SLC35F3: variants seen among roughly 807,000 people sequenced by gnomAD.
The protein encoded by SLC35F3 is putative thiamine transporter SLC35F3.
In SLC35F3, 25 loss-of-function variants were observed where a neutral mutation model predicts 49.9. The ratio of observed to expected loss-of-function variants is 0.50; its 90% CI spans 0.37 to 0.70. The LOEUF is 0.70. Among genes scored for constraint, SLC35F3 ranks in the 30% least tolerant of loss-of-function variants. SLC35F3 has a pLI of 0.00. For missense variants in SLC35F3, 525 were observed against 639.8 expected, an observed-to-expected ratio of 0.82 and a Z score of 1.94; for synonymous variants, 275 against 265.4, an observed-to-expected ratio of 1.04 and a Z score of -0.35.
chr1:234,292,145 A>G (rs1307036500), intron 3 of SLC35F3, among the ~76,000 whole-genome samples: 1 of 152,230 alleles, frequency 6.6e-6, no homozygotes, highest in African/African-American at 2.4e-5. Flanking sequence ...TGCAGTGCCT[A>G]TCTGCTGCCT....
chr1:234,054,807 G>A (rs1664430965), intron 2 of SLC35F3, among the ~76,000 whole-genome samples: 1 of 152,136 alleles, frequency 6.6e-6, no homozygotes, highest in Non-Finnish European at 1.5e-5. Context: ...TGATGGTGAC[G>A]TACAGATGGG....
At chr1:234,038,200 G>A (rs549450263) in intron 2 of SLC35F3, among the ~76,000 whole-genome samples, 1 of 148,036 alleles carries the variant, frequency 6.8e-6, no homozygotes, top group Non-Finnish European at 1.5e-5. Flanking sequence ...ACCTATGAGT[G>A]AGAACATGTG....
chr1:233,978,460 G>T (rs1663127415), intron 2 of SLC35F3, among the ~76,000 whole-genome samples: 1 of 152,182 alleles, frequency 6.6e-6, no homozygotes, highest in Non-Finnish European at 1.5e-5. Flanking sequence ...CAAAGAACCT[G>T]GTTGTTACCT....
At chr1:234,156,266 T>C (rs1460741682) in intron 2 of SLC35F3, among the ~76,000 whole-genome samples, 1 of 152,224 alleles carries the variant, frequency 6.6e-6, no homozygotes, top group East Asian at 1.9e-4. Flanking sequence ...GAGAATGTGG[T>C]AAAGTTGAAA....
At chr1:234,039,001 C>T (rs9435545) in intron 2 of SLC35F3, among the ~76,000 whole-genome samples, 2,879 of 152,286 alleles carry the variant, frequency 0.019, 98 homozygotes, top group African/African-American at 0.066. Flanking sequence ...GTTCTATTTT[C>T]ATTCTGAGAT....
At chr1:234,084,039 A>G (rs1239430633) in intron 2 of SLC35F3, among the ~76,000 whole-genome samples, 1 of 151,998 alleles carries the variant, frequency 6.6e-6, no homozygotes, top group African/African-American at 2.4e-5. Flanking sequence ...GGGTTTCTCC[A>G]TGTTGGTCAG....
intron 3 of SLC35F3, among the ~76,000 whole-genome samples, chr1:234,299,992 T>A (rs781270269): frequency 1.6e-4 from 24 of 151,912 alleles, no homozygotes; most frequent in Non-Finnish European, 2.6e-4. Flanking sequence ...TGGAAATTTT[T>A]AAAAAATACA....
chr1:234,312,843 T>G (rs541649651), intron 4 of SLC35F3, among the ~76,000 whole-genome samples: 5 of 148,028 alleles, frequency 3.4e-5, no homozygotes, highest in Middle Eastern at 3.4e-3. Flanking sequence ...TTGTTGTTTG[T>G]TTTTTTTAGG....
chr1:234,130,652 AAAAG>A (rs1477520029), intron 2 of SLC35F3, among the ~76,000 whole-genome samples: 2 of 151,584 alleles, frequency 1.3e-5, no homozygotes, highest in Non-Finnish European at 2.9e-5. Context: ...CAAAAAAAAA[AAAAG>A]AAAGACCTCT....
chr1:234,322,175 CAG>C (rs1657636735), intron 7 of SLC35F3, among the ~76,000 whole-genome samples: 1 of 146,782 alleles, frequency 6.8e-6, no homozygotes, highest in Non-Finnish European at 1.5e-5. Flanking sequence ...GCTTGTGTGA[CAG>C]AGTGAGACCC....
chr1:234,242,249 G>A (rs1667564743), intron 3 of SLC35F3, among the ~76,000 whole-genome samples: 1 of 152,202 alleles, frequency 6.6e-6, no homozygotes, highest in African/African-American at 2.4e-5. Context: ...AGAACAGATG[G>A]GGCCACATGC....
intron 2 of SLC35F3, among the ~76,000 whole-genome samples, chr1:234,108,075 C>G (rs1665310856): frequency 6.6e-6 from 1 of 150,930 alleles, no homozygotes; most frequent in South Asian, 2.1e-4. Flanking sequence ...TAAGTGCTAG[C>G]ATTTACTGAA....
chr1:233,981,316 T>C (rs1316275800), intron 2 of SLC35F3, among the ~76,000 whole-genome samples: 1 of 152,190 alleles, frequency 6.6e-6, no homozygotes, highest in Admixed American at 6.5e-5. Flanking sequence ...CGCTTACTCC[T>C]TTTTCTGCCG....
At chr1:234,317,325 A>G (rs1657515958) in intron 5 of SLC35F3, among the ~76,000 whole-genome samples, 1 of 151,956 alleles carries the variant, frequency 6.6e-6, no homozygotes, top group South Asian at 2.1e-4. Flanking sequence ...TTATTCCCAC[A>G]CTCAGGTCCC....
intron 2 of SLC35F3, among the ~76,000 whole-genome samples, chr1:234,073,500 G>A (rs1052365726): frequency 2.6e-5 from 4 of 152,022 alleles, no homozygotes; most frequent in Admixed American, 1.3e-4. Flanking sequence ...CTGGATAATC[G>A]AAACACAAAA....
At chr1:234,081,541 C>T (rs1020689731) in intron 2 of SLC35F3, among the ~76,000 whole-genome samples, 4 of 152,082 alleles carry the variant, frequency 2.6e-5, no homozygotes, top group African/African-American at 9.7e-5. Context: ...GGTGAATATC[C>T]TTCCATTATA....
intron 3 of SLC35F3, among the ~76,000 whole-genome samples, chr1:234,232,399 G>C (rs908099479): frequency 6.6e-6 from 1 of 151,384 alleles, no homozygotes; most frequent in Non-Finnish European, 1.5e-5. Flanking sequence ...CCCTCCCCGG[G>C]AGTCACACTG....
At chr1:233,929,789 C>G (rs1662213043) in intron 2 of SLC35F3, among the ~76,000 whole-genome samples, 1 of 152,130 alleles carries the variant, frequency 6.6e-6, no homozygotes, top group South Asian at 2.1e-4. Context: ...AACCAAGAGA[C>G]CACTCTGGTT....
intron 2 of SLC35F3, among the ~76,000 whole-genome samples, chr1:234,192,776 A>T (rs1294804885): frequency 1.3e-5 from 2 of 152,248 alleles, no homozygotes; most frequent in African/African-American, 4.8e-5. Flanking sequence ...TACACAAATC[A>T]GTAGCTGTGC....
Sources: allele counts gnomAD v4.1 joint callset (sites outside exome capture counted in the v4.1 genomes callset), GRCh38; gene constraint gnomAD v4.1.1; transcripts MANE v1.5; gene names NCBI Gene and HGNC (gene_info 2026-07-23, HGNC 2026-07-21).